Variants in ACACA observed in about 807,000 individuals in gnomAD.
ACACA encodes the protein acetyl-CoA carboxylase alpha, also known as acetyl-CoA carboxylase 1.
Under a neutral mutation model 296.1 loss-of-function variants are expected in ACACA, and 103 were observed. The observed-to-expected ratio is 0.35, with a 90% CI of 0.30 to 0.41. ACACA has a LOEUF of 0.41. Ranked by LOEUF, ACACA falls within the 10% of genes least tolerant of loss-of-function variation. The probability of loss-of-function intolerance (pLI) is 1.00; values close to 1 mark genes in which losing one functional copy is unlikely to be tolerated. For missense variants in ACACA, 1,554 were observed against 2,989.7 expected, an observed-to-expected ratio of 0.52 and a Z score of 11.20; for synonymous variants, 953 against 1,038.6, an observed-to-expected ratio of 0.92 and a Z score of 1.58.
At chr17:37,336,241 G>A (rs986797376) in intron 2 of ACACA, among the ~76,000 whole-genome samples, 5 of 152,024 alleles carry the variant, frequency 3.3e-5, no homozygotes, top group African/African-American at 1.2e-4. Flanking sequence ...CACCCCTCCC[G>A]AGGAAATCTC....
chr17:37,320,314 C>T (rs567704617), intron 3 of ACACA, among the ~76,000 whole-genome samples: 2 of 151,930 alleles, frequency 1.3e-5, no homozygotes, highest in Admixed American at 1.3e-4. Flanking sequence ...GAGTTCGAGA[C>T]CAGCTGGCCA....
intron 41 of ACACA, among the ~76,000 whole-genome samples, chr17:37,166,300 G>A (rs558701533): frequency 6.0e-4 from 91 of 151,740 alleles, no homozygotes; most frequent in Middle Eastern, 3.4e-3. Context: ...ACCATGCCCA[G>A]CTAATTTTTT....
At chr17:37,149,752 C>A in intron 45 of ACACA, 112 bp downstream of exon 45, 1 of 924,026 alleles carries the variant, frequency 1.1e-6, no homozygotes, top group Non-Finnish European at 1.8e-6. Flanking sequence ...AAGAGATAGA[C>A]TGAGGAAGGC....
At chr17:37,155,121 T>C (rs2076187919) in intron 43 of ACACA, among the ~76,000 whole-genome samples, 1 of 152,164 alleles carries the variant, frequency 6.6e-6, no homozygotes, top group African/African-American at 2.4e-5. Flanking sequence ...TAAAAGTTTA[T>C]ATGAAACTTA....
At chr17:37,397,765 C>T (rs2051127487) in intron 1 of ACACA, among the ~76,000 whole-genome samples, 2 of 152,106 alleles carry the variant, frequency 1.3e-5, no homozygotes, top group African/African-American at 4.8e-5. Context: ...AATTTCAGAT[C>T]CAAAAAGTCT....
At chr17:37,155,864 T>G (rs970929179) in intron 42 of ACACA, 84 bp from the exon 43 acceptor site, 19 of 926,572 alleles carry the variant, frequency 2.1e-5, no homozygotes, top group Admixed American at 3.4e-5. Context: ...TAATGAAGCT[T>G]GTTCCACAGC....
intron 1 of ACACA, among the ~76,000 whole-genome samples, chr17:37,404,847 G>A (rs1404512677): frequency 6.6e-6 from 1 of 151,944 alleles, no homozygotes; most frequent in Non-Finnish European, 1.5e-5. Context: ...CAAAGTGATG[G>A]GATTACAGGT....
chr17:37,150,987 G>C (rs1257640649), intron 44 of ACACA, among the ~76,000 whole-genome samples: 1 of 151,986 alleles, frequency 6.6e-6, no homozygotes, highest in Non-Finnish European at 1.5e-5. Flanking sequence ...GGGAGGCGGA[G>C]GTTGCAGTGA....
intron 41 of ACACA, among the ~76,000 whole-genome samples, chr17:37,170,966 A>G (rs930810548): frequency 6.6e-6 from 1 of 152,216 alleles, no homozygotes; most frequent in Non-Finnish European, 1.5e-5. Context: ...AGACATATCC[A>G]TCAACTCTAG....
rs73287965 is a variant in ACACA, at chr17:37,171,920, T to C, written c.5079+7340A>G. ...TTTGAGAAATGGGGCCCAGGATTAA[T>C]TGGTTGGTATGGAAATTAACCAAGT... On this transcript the variant is annotated intron_variant, in intron 41 of 55. Coordinates refer to ENST00000616317, the MANE Select transcript of ACACA (RefSeq NM_198834.3). Among the ~76,000 whole-genome samples the C allele has an allele frequency of 5.4e-3, 828 of 152,260 alleles. 7 individuals carry two copies. The highest frequency in any genetic ancestry group is 0.019 in the African/African-American group (769 of 41,544).
At chr17:37,165,536 TCTCTC>T (rs767851212) in intron 41 of ACACA, among the ~76,000 whole-genome samples, 122 of 152,144 alleles carry the variant, frequency 8.0e-4, no homozygotes, top group Non-Finnish European at 2.9e-4. Flanking sequence ...TTTGTCTTTC[TCTCTC>T]CTCTCCTCTC....
rs773877053 is a variant in ACACA, at chr17:37,087,350, C to T, written c.7118G>A (p.Arg2373Gln). Residue 2373 changes from arginine (R) to glutamine (Q), a missense_variant, in exon 56 of 56, where the codon CGG becomes CAG. Around this residue, in one of 16 missense-constraint regions of ACACA, gnomAD observed 553 missense variants for 1,043.6 expected, o/e 0.53. Coordinates refer to ENST00000616317, the MANE Select transcript of ACACA (RefSeq NM_198834.3). ...ISPTQRAEVI[R>Q]ILSTMDSPST is the part of the protein sequence containing the mutation. The stretch of plus-strand genomic sequence containing the variant: ...AGGGGAATCCATTGTGGAGAGGATC[C>T]GTATGACTTCTGCTCGCTGAGTGGG... 6.2e-6 allele frequency: 10 copies of T among 1,613,932 alleles called. No individual in the cohort carries two copies. In the Admixed American group the frequency reaches 6.7e-5, roughly 11 times the overall value.
intron 3 of ACACA, chr17:37,328,742 C>T (rs1416153117): frequency 1.3e-5 from 5 of 395,996 alleles, no homozygotes; most frequent in Non-Finnish European, 1.3e-5. Context: ...AATAAAGGTG[C>T]CAAGATAGTA....
At chr17:37,130,017 C>G in intron 46 of ACACA, 58 bp downstream of exon 46, 1 of 1,602,548 alleles carries the variant, frequency 6.2e-7, no homozygotes, top group Non-Finnish European at 8.5e-7. Context: ...AGGCAGTGAG[C>G]TGTGGTGGAA....
intron 30 of ACACA, among the ~76,000 whole-genome samples, chr17:37,208,217 C>T (rs2078594981): frequency 6.6e-6 from 1 of 152,076 alleles, no homozygotes; most frequent in Non-Finnish European, 1.5e-5. Flanking sequence ...ATGCTTAAGG[C>T]ATTTTGTTTT....
At chr17:37,165,225 C>T (rs754505773) in intron 41 of ACACA, among the ~76,000 whole-genome samples, 3 of 149,662 alleles carry the variant, frequency 2.0e-5, no homozygotes, top group Non-Finnish European at 4.4e-5. Context: ...TTTGAGGTAG[C>T]ATGATGGACA....
intron 52 of ACACA, among the ~76,000 whole-genome samples, chr17:37,098,650 C>T (rs950985462): frequency 3.3e-5 from 5 of 152,224 alleles, no homozygotes; most frequent in Admixed American, 6.5e-5. Flanking sequence ...TGTGCTCTCC[C>T]GCCTGGGCTG....
intron 29 of ACACA, 67 bp downstream of exon 29, chr17:37,221,656 CA>C: frequency 8.1e-7 from 1 of 1,240,738 alleles, no homozygotes; most frequent in Non-Finnish European, 1.2e-6. Context: ...TTGTCATACA[CA>C]TTACTCCCCT....
At position 37,299,593 on chromosome 17, in the gene ACACA, C is replaced by T. The variant is rs1218946599; in HGVS notation, c.339-14623G>A. On this transcript the variant is annotated intron_variant, in intron 3 of 55. Coordinates refer to ENST00000616317, the MANE Select transcript of ACACA (RefSeq NM_198834.3). Reference sequence around the variant, plus strand: ...CTCCTCCACACACTTAGCTTACACACACAATTAGTTGATTTCCCAAGGGAA... The same window carrying T: ...CTCCTCCACACACTTAGCTTACACATACAATTAGTTGATTTCCCAAGGGAA... 5 of 1,308,618 alleles carry T rather than the reference C, an allele frequency of 3.8e-6. No homozygotes were observed. In the Admixed American group the frequency reaches 1.7e-4, roughly 44 times the overall value. 81.1% of individuals were successfully genotyped at this position (1,308,618 alleles called of 1,614,324 possible).
Sources: gnomAD v4.1 joint callset for allele counts (sites outside exome capture counted in the v4.1 genomes callset) on GRCh38, gnomAD v4.1.1 for gene constraint, gnomAD v4.1.1 regional missense constraint, MANE v1.5 for transcripts, NCBI Gene and HGNC (gene_info 2026-07-23, HGNC 2026-07-21) for gene names.